Variants in ZDHHC19 observed in about 807,000 individuals in gnomAD.
The protein encoded by ZDHHC19 is palmitoyltransferase ZDHHC19.
Under a neutral mutation model 33.9 loss-of-function variants are expected in ZDHHC19, and 30 were observed. The observed-to-expected ratio is 0.88, with a 90% CI of 0.66 to 1.20. ZDHHC19 has a LOEUF of 1.20. ZDHHC19 is among the 50% of genes most tolerant of loss of function. ZDHHC19 has a pLI of 0.00. For missense variants in ZDHHC19, 364 were observed against 401.1 expected, an observed-to-expected ratio of 0.91 and a Z score of 0.79; for synonymous variants, 178 against 167.6, an observed-to-expected ratio of 1.06 and a Z score of -0.48.
rs10690373 is a variant in ZDHHC19 at position 196,210,346 on chromosome 3, G to GAGAAAGAAAGAAAGAAAGAAAGAA, written c.268+269_268+270insTTCTTTCTTTCTTTCTTTCTTTCT. Among the ~76,000 whole-genome samples, 166 of 78,026 alleles carry GAGAAAGAAAGAAAGAAAGAAAGAA rather than the reference G, an allele frequency of 2.1e-3. 2 individuals carry two copies. The highest frequency in any genetic ancestry group is 6.0e-3 in the African/African-American group (154 of 25,826). 51.2% of individuals were successfully genotyped at this position (78,026 alleles called of 152,430 possible). A position where few individuals can be genotyped will look rare whatever the true frequency, so the allele number is the denominator to read the frequency against. On this transcript the variant is annotated intron_variant, in intron 2 of 7. Transcript: ENST00000296326. ...GAAGGAAAGAAAGAAAGAAAGAAAA[G>GAGAAAGAAAGAAAGAAAGAAAGAA]AGAAAGAAAGAAAGAAGGAAGGAAG...
At chr3:196,209,047 C>T (rs937590222) in intron 3 of ZDHHC19, 1 of 327,778 alleles carries the variant, frequency 3.1e-6, no homozygotes, top group East Asian at 5.7e-5. Flanking sequence ...ACCAGGCGGG[C>T]AGCCAGCCTG....
At chr3:196,198,609 CAGGA>C (rs1721994628) in intron 6 of ZDHHC19, 158 bp from the exon 7 acceptor site, 1 of 1,546,770 alleles carries the variant, frequency 6.5e-7, no homozygotes, top group African/African-American at 1.4e-5. Flanking sequence ...CATAGTGGGG[CAGGA>C]ACACACAGAG....
At chr3:196,206,616 G>A (rs1325302973) in intron 5 of ZDHHC19, among the ~76,000 whole-genome samples, 2 of 151,582 alleles carry the variant, frequency 1.3e-5, no homozygotes, top group Non-Finnish European at 2.9e-5. Flanking sequence ...GCCTCCCAAA[G>A]CGCTAGAATT....
At chr3:196,205,651 G>A (rs969845157) in intron 5 of ZDHHC19, among the ~76,000 whole-genome samples, 61 of 152,112 alleles carry the variant, frequency 4.0e-4, no homozygotes, top group African/African-American at 1.4e-3. Context: ...CTCAATAAAC[G>A]ACTTTTTGTT....
chr3:196,209,248 C>CT, intron 3 of ZDHHC19, 128 bp downstream of exon 3: 1 of 1,335,556 alleles, frequency 7.5e-7, no homozygotes, highest in Non-Finnish European at 1.0e-6. Context: ...CTGGGAGTTA[C>CT]TGCCACCCTT....
At chr3:196,204,260 T>C (rs927658079) in intron 5 of ZDHHC19, among the ~76,000 whole-genome samples, 2 of 152,134 alleles carry the variant, frequency 1.3e-5, no homozygotes, top group African/African-American at 4.8e-5. Context: ...AAATGGAAAT[T>C]GAAATTTTAA....
chr3:196,210,444 G>T lies in ZDHHC19; in HGVS notation c.268+172C>A, dbSNP rs59406858. Among the ~76,000 whole-genome samples the T allele has an allele frequency of 3.0e-3, 364 of 121,690 alleles. 8 individuals carry two copies. Among genetic ancestry groups the T allele is most frequent in the African/African-American group, 0.013 (272 of 21,304 alleles). The allele number at this position is 121,690 out of a possible 152,430, so 79.8% of individuals were successfully genotyped here. ...AAGGAAAGAAAGAAAGAGAAAGAAA[G>T]AAAGAAAAGAGAAGAGAAGAAAGAG... On this transcript the variant is annotated intron_variant, in intron 2 of 7. Coordinates refer to ENST00000296326, the MANE Select transcript of ZDHHC19 (RefSeq NM_001039617.2).
intron 5 of ZDHHC19, among the ~76,000 whole-genome samples, chr3:196,201,661 C>G (rs141788425): frequency 6.6e-6 from 1 of 151,944 alleles, no homozygotes; most frequent in Admixed American, 6.6e-5. Context: ...GTGGAGGTTG[C>G]AGTGAGCCGA....
intron 5 of ZDHHC19, among the ~76,000 whole-genome samples, chr3:196,202,987 G>A (rs1054698523): frequency 1.3e-5 from 2 of 152,116 alleles, no homozygotes; most frequent in Non-Finnish European, 2.9e-5. Flanking sequence ...GGTGCCAGGC[G>A]CAGTGGCTCA....
intron 5 of ZDHHC19, 142 bp from the exon 6 acceptor site, chr3:196,199,016 A>C (rs1577311111): frequency 1.4e-6 from 1 of 702,432 alleles, no homozygotes; most frequent in African/African-American, 1.8e-5. Context: ...AGACTGAAGG[A>C]CCTCCCCACC....
rs1429408673 is a variant in ZDHHC19, at chr3:196,211,105, T to A, written c.146+65A>T. 5.6e-6 allele frequency: 9 copies of A among 1,612,372 alleles called. No homozygotes were observed. In the East Asian group the frequency reaches 2.0e-4, roughly 36 times the overall value. On this transcript the variant is annotated intron_variant, in intron 1 of 7. Transcript: ENST00000296326. The stretch of plus-strand genomic sequence containing the variant: ...CTTCTGCACTCCCCTGCCTCCATCC[T>A]ATCATCTTCTGTTTCCCTGGCTGTC...
chr3:196,209,386 A>G lies in ZDHHC19; in HGVS notation c.398T>C (p.Ile133Thr). 6.2e-7 allele frequency: 1 copy of G among 1,601,978 alleles called. No homozygotes were observed. The highest frequency in any genetic ancestry group is 8.5e-7 in the Non-Finnish European group (1 of 1,174,760). ...PRTYHCPWCN[I>T]CVEDFDHHCK... ...TAGAGGGGCACTCACCTCCACACAG[A>G]TGTTGCACCAGGGGCAGTGGTAAGT... is the stretch of plus-strand genomic sequence containing the variant. Residue 133 changes from isoleucine to threonine, a missense_variant, in exon 3 of 8, where the codon ATC becomes ACC. Physicochemically the swap from Ile to Thr is moderately conservative, Grantham distance 89. Transcript: ENST00000296326.
At position 196,200,636 on chromosome 3, in the gene ZDHHC19, G is replaced by T. The variant is rs566953898; in HGVS notation, c.688-1762C>A. Among the ~76,000 whole-genome samples the T allele has an allele frequency of 4.1e-5, 6 of 146,974 alleles. 1 individual carries two copies. The highest frequency in any genetic ancestry group is 2.0e-4 in the East Asian group (1 of 4,968). ...CCCAAAGTGCTGGGATTACAAGCGT[G>T]AGCCACCACGCCTGGCCTTTTTTTT... is the stretch of plus-strand genomic sequence containing the variant. On this transcript the variant is annotated intron_variant, in intron 5 of 7. Coordinates refer to ENST00000296326, the MANE Select transcript of ZDHHC19 (RefSeq NM_001039617.2).
intron 3 of ZDHHC19, 164 bp downstream of exon 3, chr3:196,209,212 G>C (rs1723017017): frequency 1.0e-6 from 1 of 958,826 alleles, no homozygotes; most frequent in Admixed American, 2.9e-5. Context: ...GGTGCAGGTG[G>C]AGAACACATG....
In ZDHHC19 at chr3:196,200,327, G is replaced by GAGATATAT. The variant is rs1553817275; in HGVS notation, c.688-1454_688-1453insATATATCT. ...TATTGACAGAATTTTAAAATTTAGG[G>GAGATATAT]ATATATATATATATATGTATATATA... On this transcript the variant is annotated intron_variant, in intron 5 of 7. Transcript: ENST00000296326. 6.8e-4 allele frequency among the ~76,000 whole-genome samples: 80 copies of GAGATATAT among 116,798 alleles called. 3 individuals are homozygous for GAGATATAT. Among genetic ancestry groups the GAGATATAT allele is most frequent in the South Asian group, 7.4e-4 (3 of 4,034 alleles). The allele number at this position is 116,798 out of a possible 152,430, so 76.6% of individuals were successfully genotyped here.
At position 196,208,389 on chromosome 3, in the gene ZDHHC19, C is replaced by T. The variant is rs372579333; in HGVS notation, c.580G>A (p.Ala194Thr). 6.2e-7 allele frequency: 1 copy of T among 1,613,666 alleles called. No individual in the cohort carries two copies. Among genetic ancestry groups the T allele is most frequent in the Non-Finnish European group, 8.5e-7 (1 of 1,179,918 alleles). Residue 194 changes from alanine to threonine, a missense_variant and splice_region_variant, in exon 4 of 8, where the codon GCC becomes ACC. Ala to Thr is a moderately conservative substitution (Grantham distance 58). Coordinates refer to ENST00000296326, the MANE Select transcript of ZDHHC19 (RefSeq NM_001039617.2). Reference protein sequence around the residue: ...HLPFSTDKAIAIVVAVSAAGL... With the variant: ...HLPFSTDKAITIVVAVSAAGL... Reference sequence around the variant, plus strand: ...CTGCTTCCCCACGTGGGCGGATACGCGATGGCCTTGTCGGTGGAGAAGGGC... The same window carrying T: ...CTGCTTCCCCACGTGGGCGGATACGTGATGGCCTTGTCGGTGGAGAAGGGC...
rs948613482 is a variant in ZDHHC19, at chr3:196,200,641, A to C, written c.688-1767T>G. 2.5e-4 allele frequency among the ~76,000 whole-genome samples: 36 copies of C among 142,218 alleles called. 1 individual carries two copies. The highest frequency in any genetic ancestry group is 5.8e-4 in the Admixed American group (8 of 13,904). 93.3% of individuals were successfully genotyped at this position (142,218 alleles called of 152,430 possible). On this transcript the variant is annotated intron_variant, in intron 5 of 7. Transcript: ENST00000296326. ...AGTGCTGGGATTACAAGCGTGAGCC[A>C]CCACGCCTGGCCTTTTTTTTTTTTT...
Position 196,203,653 on chromosome 3 carries a change from G to A in ZDHHC19, c.687+3745C>T, listed in dbSNP as rs773351358. Among the ~76,000 whole-genome samples the A allele has an allele frequency of 1.3e-5, 2 of 152,198 alleles. No homozygotes were observed. Among genetic ancestry groups the A allele is most frequent in the Non-Finnish European group, 2.9e-5 (2 of 68,034 alleles). ...AGGGTCCCTGGAGGCTGGAGATCCTGGATCAGGAGGGCAGCATTCTGGGCA... is the reference window on the plus strand; with the variant it reads ...AGGGTCCCTGGAGGCTGGAGATCCTAGATCAGGAGGGCAGCATTCTGGGCA... On this transcript the variant is annotated intron_variant, in intron 5 of 7. Transcript: ENST00000296326. The surrounding 1 kb of genome is among the most constrained non-coding windows in gnomAD (Gnocchi z 4.3).
chr3:196,199,036 T>A lies in ZDHHC19; in HGVS notation c.688-162A>T, dbSNP rs116188922. ...GAAGGACCTCCCCACCACTGCCCCA[T>A]CCTCCTCCTCTTGGTCTCCACTGGC... On this transcript the variant is annotated intron_variant, in intron 5 of 7. Coordinates refer to ENST00000296326, the MANE Select transcript of ZDHHC19 (RefSeq NM_001039617.2). The A allele has an allele frequency of 1.1e-3, 662 of 607,320 alleles. 1 individual carries two copies. The African/African-American group carries it at 0.011, about 10-fold the overall frequency. The allele number at this position is 607,320 out of a possible 1,614,324, so 37.6% of individuals were successfully genotyped here. A position where few individuals can be genotyped will look rare whatever the true frequency, so the allele number is the denominator to read the frequency against.
Sources: allele counts gnomAD v4.1 joint callset (sites outside exome capture counted in the v4.1 genomes callset), GRCh38; gene constraint gnomAD v4.1.1; non-coding constraint Gnocchi (gnomAD v3.1); transcripts MANE v1.5; gene names NCBI Gene and HGNC (gene_info 2026-07-23, HGNC 2026-07-21).